Variants in ERC1 observed in about 807,000 individuals in gnomAD.
The protein encoded by ERC1 is RAB6 interacting protein 2.
Under a neutral mutation model 132.0 loss-of-function variants are expected in ERC1, and 56 were observed. The ratio of observed to expected loss-of-function variants is 0.42; its 90% CI spans 0.34 to 0.53. The LOEUF is 0.53. ERC1 is among the 20% of genes least tolerant of loss of function. ERC1 has a pLI of 0.03. For missense variants in ERC1, 1,202 were observed against 1,349.9 expected (o/e 0.89, Z 1.72); for synonymous variants, 478 against 476.1 (o/e 1.00, Z -0.05).
chr12:1,266,135 G>A (rs2077461669), intron 14 of ERC1, among the ~76,000 whole-genome samples: 1 of 152,118 alleles, frequency 6.6e-6, no homozygotes, highest in African/African-American at 2.4e-5. Flanking sequence ...CTGCCAAACA[G>A]TCTCCCAAAG....
At chr12:1,157,193 C>G (rs1021554125) in intron 8 of ERC1, among the ~76,000 whole-genome samples, 4 of 152,152 alleles carry the variant, frequency 2.6e-5, no homozygotes, top group Non-Finnish European at 5.9e-5. Context: ...ACCTCTACCT[C>G]CCAGGCTCCA....
intron 2 of ERC1, among the ~76,000 whole-genome samples, chr12:1,073,532 C>T (rs147262278): frequency 0.027 from 4,107 of 151,530 alleles, 82 homozygotes; most frequent in South Asian, 0.091. Flanking sequence ...ACCTGTAATC[C>T]CAGCCACTTG....
chr12:1,290,004 G>A lies in ERC1; in HGVS notation c.2772G>A (p.Leu924=), dbSNP rs758373026. 1.2e-6 allele frequency: 2 copies of A among 1,613,766 alleles called. No homozygotes were observed. Among genetic ancestry groups the A allele is most frequent in the South Asian group, 2.2e-5 (2 of 91,030 alleles). Residue 924 remains leucine, a synonymous_variant, in exon 15 of 19, where the codon CTG becomes CTA. Coordinates refer to ENST00000360905, the MANE Select transcript of ERC1 (RefSeq NM_178040.4). ...AERRKHLEEV[L]EMKQEALLAA... is the part of the protein sequence containing the mutation. ...GAAGGAAACACTTAGAGGAAGTTCTGGAGATGAAGTAAGTGTTTGTAGTCT... is the reference window on the plus strand; with the variant it reads ...GAAGGAAACACTTAGAGGAAGTTCTAGAGATGAAGTAAGTGTTTGTAGTCT...
chr12:1,418,661 C>CTCTCT (rs1565396588), intron 17 of ERC1, among the ~76,000 whole-genome samples: 2 of 100,706 alleles, frequency 2.0e-5, no homozygotes, highest in South Asian at 5.9e-4. Flanking sequence ...CTCTCTCTCT[C>CTCTCT]TTTCTTTTCT....
At chr12:1,424,841 A>G (rs1046558608) in intron 17 of ERC1, among the ~76,000 whole-genome samples, 7 of 104,086 alleles carry the variant, frequency 6.7e-5, no homozygotes, top group African/African-American at 2.0e-4. Context: ...ATAGATAGAT[A>G]GATGATAGAT....
intron 7 of ERC1, among the ~76,000 whole-genome samples, chr12:1,128,278 C>A (rs868638728): frequency 5.3e-5 from 8 of 152,066 alleles, no homozygotes; most frequent in South Asian, 4.1e-4. Context: ...GATTAAAGGA[C>A]GGACTGAGAG....
chr12:1,093,212 C>T (rs899206695), intron 3 of ERC1, among the ~76,000 whole-genome samples: 4 of 152,096 alleles, frequency 2.6e-5, no homozygotes, highest in African/African-American at 4.8e-5. Flanking sequence ...CCCCAAAAGC[C>T]GAGAGGTAAA....
At position 1,388,274 on chromosome 12, in the gene ERC1, C is replaced by T. The variant is rs183392487; in HGVS notation, c.2925+16297C>T. ...CTGAGGCAGGAGAATGGTGTGAACC[C>T]GGGAGGCGGAGCTTGCAGTGAACTG... On this transcript the variant is annotated intron_variant, in intron 16 of 18. Coordinates refer to ENST00000360905, the MANE Select transcript of ERC1 (RefSeq NM_178040.4). Among the ~76,000 whole-genome samples, 482 of 145,604 alleles carry T rather than the reference C, an allele frequency of 3.3e-3. 4 individuals carry two copies. Among genetic ancestry groups the T allele is most frequent in the African/African-American group, 0.011 (439 of 39,476 alleles).
At chr12:1,346,770 G>A (rs975166737) in intron 15 of ERC1, among the ~76,000 whole-genome samples, 6 of 151,382 alleles carry the variant, frequency 4.0e-5, no homozygotes, top group South Asian at 2.1e-4. Context: ...GTGAAACCCC[G>A]TCTCTACTAA....
intron 3 of ERC1, among the ~76,000 whole-genome samples, chr12:1,083,913 A>AAT (rs1213646141): frequency 6.6e-6 from 1 of 152,238 alleles, no homozygotes; most frequent in Non-Finnish European, 1.5e-5. Flanking sequence ...AACACAACAA[A>AAT]ACCAGAATCA....
At chr12:1,101,395 A>T (rs1944642502) in intron 3 of ERC1, among the ~76,000 whole-genome samples, 1 of 152,194 alleles carries the variant, frequency 6.6e-6, no homozygotes, top group Non-Finnish European at 1.5e-5. Flanking sequence ...TTACGCCGAC[A>T]TCACTGACAC....
At chr12:1,383,486 T>G (rs1445595491) in intron 16 of ERC1, among the ~76,000 whole-genome samples, 1 of 152,160 alleles carries the variant, frequency 6.6e-6, no homozygotes, top group Non-Finnish European at 1.5e-5. Flanking sequence ...AAATGTGAAT[T>G]AGACAAGTGT....
Position 1,083,163 on chromosome 12 carries a change from G to A in ERC1, c.670-1G>A. 1.2e-6 allele frequency: 2 copies of A among 1,610,276 alleles called. No individual in the cohort carries two copies. The highest frequency in any genetic ancestry group is 8.5e-7 in the Non-Finnish European group (1 of 1,178,610). ...GGGTTTTCTTTTTGTCTTGGTTCTAGCACATGCAGATGACAATCCAGGCTC... is the reference window on the plus strand; with the variant it reads ...GGGTTTTCTTTTTGTCTTGGTTCTAACACATGCAGATGACAATCCAGGCTC... On this transcript the variant is annotated splice_acceptor_variant, in intron 2 of 18. Coordinates refer to ENST00000360905, the MANE Select transcript of ERC1 (RefSeq NM_178040.4). LOFTEE classifies it high-confidence loss of function.
chr12:1,166,402 A>C (rs1230625502), intron 8 of ERC1, among the ~76,000 whole-genome samples: 6 of 152,142 alleles, frequency 3.9e-5, no homozygotes, highest in Non-Finnish European at 7.4e-5. Flanking sequence ...TTCATGTGCA[A>C]CTGTAAGTCC....
At chr12:1,420,731 A>T (rs970860188) in intron 17 of ERC1, among the ~76,000 whole-genome samples, 1 of 152,142 alleles carries the variant, frequency 6.6e-6, no homozygotes, top group African/African-American at 2.4e-5. Context: ...CTGGGATTAC[A>T]GGCATGAGCC....
intron 13 of ERC1, among the ~76,000 whole-genome samples, chr12:1,254,566 G>A (rs887287592): frequency 6.6e-6 from 1 of 152,018 alleles, no homozygotes; most frequent in Admixed American, 6.6e-5. Flanking sequence ...AGGCTGGAGT[G>A]TGGTGGCATA....
At chr12:1,174,458 C>G (rs1183702991) in intron 8 of ERC1, among the ~76,000 whole-genome samples, 2 of 152,250 alleles carry the variant, frequency 1.3e-5, no homozygotes, top group Non-Finnish European at 2.9e-5. Flanking sequence ...TTGCCAAGAA[C>G]TTGCTGACGG....
At chr12:1,340,082 G>A (rs1049883982) in intron 15 of ERC1, among the ~76,000 whole-genome samples, 8 of 152,132 alleles carry the variant, frequency 5.3e-5, no homozygotes, top group Non-Finnish European at 1.2e-4. Context: ...GCGTGTGACC[G>A]TGGGGGCCAG....
chr12:1,296,621 C>A (rs1265582362), intron 15 of ERC1, among the ~76,000 whole-genome samples: 3 of 151,978 alleles, frequency 2.0e-5, no homozygotes, highest in Non-Finnish European at 4.4e-5. Context: ...CCATGTTGGT[C>A]AGGCTGGTCT....
Sources: allele counts gnomAD v4.1 joint callset (sites outside exome capture counted in the v4.1 genomes callset), GRCh38; gene constraint gnomAD v4.1.1; transcripts MANE v1.5; gene names NCBI Gene and HGNC (gene_info 2026-07-23, HGNC 2026-07-21).